The following MAP3K20 variants were observed in gnomAD, a reference collection of about 807,000 sequenced individuals.
The protein encoded by MAP3K20 is mitogen-activated protein kinase kinase kinase 20, also known as HCCS-4.
In MAP3K20, 40 loss-of-function variants were observed where a neutral mutation model predicts 85.7. The ratio of observed to expected loss-of-function variants is 0.47; its 90% confidence interval spans 0.36 to 0.61. The LOEUF (loss-of-function observed/expected upper bound fraction) is 0.61, where lower values mean the gene tolerates loss of function less well. Among genes scored for constraint, MAP3K20 ranks in the 20% least tolerant of loss-of-function variants. The probability of loss-of-function intolerance (pLI) is 0.00; values close to 1 mark genes in which losing one functional copy is unlikely to be tolerated. For missense variants in MAP3K20, 817 were observed against 961.7 expected (o/e 0.85, Z 1.99); for synonymous variants, 325 against 327.7 (o/e 0.99, Z 0.09).
chr2:173,173,813 A>C (rs1230555164), intron 3 of MAP3K20, among the ~76,000 whole-genome samples: 2 of 152,230 alleles, frequency 1.3e-5, no homozygotes, highest in Non-Finnish European at 2.9e-5. Flanking sequence ...ACAATTCAAC[A>C]ATACTGATAC....
At chr2:173,234,909 A>G (rs1260057949) in intron 14 of MAP3K20, among the ~76,000 whole-genome samples, 2 of 152,228 alleles carry the variant, frequency 1.3e-5, no homozygotes, top group Non-Finnish European at 2.9e-5. Context: ...TAAAAAGGCA[A>G]GGCTGGGTTT....
chr2:173,142,686 A>G (rs1280936004), intron 2 of MAP3K20, among the ~76,000 whole-genome samples: 1 of 152,210 alleles, frequency 6.6e-6, no homozygotes, highest in Non-Finnish European at 1.5e-5. Context: ...TGAAAATGAT[A>G]TACTAAGAAA....
intron 2 of MAP3K20, among the ~76,000 whole-genome samples, chr2:173,138,134 A>AT (rs371258422): frequency 0.019 from 2,883 of 151,738 alleles, 90 homozygotes; most frequent in African/African-American, 0.065. Flanking sequence ...AACCCAGCTA[A>AT]TTTTTTTTGT....
At chr2:173,087,185 G>A (rs1374339724) in intron 1 of MAP3K20, among the ~76,000 whole-genome samples, 2 of 152,194 alleles carry the variant, frequency 1.3e-5, no homozygotes, top group African/African-American at 4.8e-5. Flanking sequence ...TTGACTTTAG[G>A]GAATTTATAG....
In MAP3K20 at chr2:173,075,979, G is replaced by A. The variant is rs561394716; in HGVS notation, c.-58G>A. 5.8e-5 allele frequency: 57 copies of A among 984,848 alleles called. No homozygotes were observed. The highest frequency in any genetic ancestry group is 5.6e-4 in the South Asian group (12 of 21,284). The allele number at this position is 984,848 out of a possible 1,614,324, so 61.0% of individuals were successfully genotyped here. On this transcript the variant is annotated 5_prime_UTR_variant, in exon 1 of 20. Transcript: ENST00000375213. ...CGGGGCCTCCGCGCCCCCGGCTGCT[G>A]CTCACGCCCCGCCCGGGAGCCAGGT... is the stretch of plus-strand genomic sequence containing the variant.
At position 173,259,116 on chromosome 2, in the gene MAP3K20, G is replaced by A. The variant is rs181903318; in HGVS notation, c.1476+301G>A. Among the ~76,000 whole-genome samples the A allele has an allele frequency of 1.6e-4, 24 of 152,254 alleles. No homozygotes were observed. In the East Asian group the frequency reaches 4.6e-3, roughly 29 times the overall value. ...TGCCATTTATTAAAGGAGGGAAAAT[G>A]TGAACGATGAAAATATTTACTTCAA... is the stretch of plus-strand genomic sequence containing the variant. On this transcript the variant is annotated intron_variant, in intron 17 of 19. Coordinates refer to ENST00000375213, the MANE Select transcript of MAP3K20 (RefSeq NM_016653.3).
At chr2:173,102,478 A>G (rs567300696) in intron 2 of MAP3K20, among the ~76,000 whole-genome samples, 2 of 152,364 alleles carry the variant, frequency 1.3e-5, no homozygotes, top group South Asian at 4.1e-4. Context: ...CCCTGCTAAT[A>G]TCAGATGTTC....
At chr2:173,191,490 T>C (rs1451605353) in intron 7 of MAP3K20, among the ~76,000 whole-genome samples, 1 of 152,212 alleles carries the variant, frequency 6.6e-6, no homozygotes, top group Non-Finnish European at 1.5e-5. Flanking sequence ...GTAATGTGAC[T>C]GTGGACTCTC....
intron 16 of MAP3K20, among the ~76,000 whole-genome samples, chr2:173,246,284 G>A (rs1684911338): frequency 6.6e-6 from 1 of 152,104 alleles, no homozygotes; most frequent in Non-Finnish European, 1.5e-5. Flanking sequence ...TCCAAAATAA[G>A]GATATTGGTA....
chr2:173,195,071 T>A (rs911386691), intron 7 of MAP3K20, among the ~76,000 whole-genome samples: 2 of 151,576 alleles, frequency 1.3e-5, no homozygotes, highest in Non-Finnish European at 2.9e-5. Flanking sequence ...TACCCTCTTA[T>A]GAGAACTCTT....
At chr2:173,201,534 AACTTG>A (rs1399753915) in intron 8 of MAP3K20, among the ~76,000 whole-genome samples, 9 of 152,208 alleles carry the variant, frequency 5.9e-5, no homozygotes, top group African/African-American at 2.2e-4. Flanking sequence ...AAAAGATAAA[AACTTG>A]ACTTAAAAAA....
At chr2:173,209,612 T>G in intron 9 of MAP3K20, 117 bp from the exon 10 acceptor site, 3 of 741,806 alleles carry the variant, frequency 4.0e-6, no homozygotes, top group Non-Finnish European at 6.5e-6. Flanking sequence ...CATTGTATCA[T>G]GTTTTATTTT....
Position 173,220,822 on chromosome 2 carries a change from G to A in MAP3K20, c.987+3572G>A, listed in dbSNP as rs1026854239. ...ATGTTTCCTTATGAAAGTGAAATTG[G>A]GAAAAGTCAAGATAAATCCTAGAAA... is the stretch of plus-strand genomic sequence containing the variant. On this transcript the variant is annotated intron_variant, in intron 11 of 19. Transcript: ENST00000375213. Among the ~76,000 whole-genome samples the A allele has an allele frequency of 2.6e-5, 4 of 152,166 alleles. No individual in the cohort carries two copies. In the South Asian group the frequency reaches 6.2e-4, roughly 24 times the overall value.
rs748301041 is a variant in MAP3K20 at position 173,232,473 on chromosome 2, G to C, written c.1203+14G>C. 1.2e-6 allele frequency: 2 copies of C among 1,608,666 alleles called. No individual in the cohort carries two copies. Among genetic ancestry groups the C allele is most frequent in the African/African-American group, 1.3e-5 (1 of 74,602 alleles). ...ATTCACTTCAAGGTACCTGAGAAAG[G>C]GACAACATTCCATCAGCAAACCCTT... On this transcript the variant is annotated intron_variant, in intron 14 of 19. Coordinates refer to ENST00000375213, the MANE Select transcript of MAP3K20 (RefSeq NM_016653.3).
At chr2:173,212,782 G>C (rs1683946899) in intron 10 of MAP3K20, 1 of 133,270 alleles carries the variant, frequency 7.5e-6, no homozygotes, top group African/African-American at 2.9e-5. Context: ...CTGGGCTACA[G>C]AGTGAGATCC....
At chr2:173,101,774 G>C (rs968520319) in intron 2 of MAP3K20, among the ~76,000 whole-genome samples, 5 of 152,156 alleles carry the variant, frequency 3.3e-5, no homozygotes, top group African/African-American at 1.2e-4. Context: ...TATTTAAAAA[G>C]TACCTAGAAT....
chr2:173,237,736 T>C (rs1424955762), intron 14 of MAP3K20, among the ~76,000 whole-genome samples: 1 of 152,222 alleles, frequency 6.6e-6, no homozygotes, highest in Non-Finnish European at 1.5e-5. Context: ...AAGTCTGGTG[T>C]TATGTGCTGT....
chr2:173,225,015 A>T (rs1416501391), intron 11 of MAP3K20: 2 of 982,760 alleles, frequency 2.0e-6, no homozygotes, highest in East Asian at 2.3e-4. Flanking sequence ...AACATTCAAA[A>T]TGATAATTGA....
rs555057714 is a variant in MAP3K20, at chr2:173,192,380, C to A, written c.582+1203C>A. On this transcript the variant is annotated intron_variant, in intron 7 of 19. Transcript: ENST00000375213. ...TAAATCATAACACATCCTATGTATA[C>A]CAAATTAATAAAGATTAATTTTGTT... Among the ~76,000 whole-genome samples the A allele has an allele frequency of 7.9e-5, 12 of 152,134 alleles. 1 individual carries two copies. In the South Asian group the frequency reaches 2.5e-3, roughly 32 times the overall value.
Sources: gnomAD v4.1 joint callset for allele counts (sites outside exome capture counted in the v4.1 genomes callset) on GRCh38, gnomAD v4.1.1 for gene constraint, MANE v1.5 for transcripts, NCBI Gene and HGNC (gene_info 2026-07-23, HGNC 2026-07-21) for gene names.